The following EIF2AK4 variants were observed in gnomAD, a reference collection of about 807,000 sequenced individuals.
The protein encoded by EIF2AK4 is eIF-2-alpha kinase GCN2.
In EIF2AK4, 139 loss-of-function variants were observed where a neutral mutation model predicts 211.1. The observed-to-expected ratio is 0.66, with a 90% CI of 0.57 to 0.76. The LOEUF (loss-of-function observed/expected upper bound fraction) is 0.76. EIF2AK4 is among the 30% of genes least tolerant of loss of function. The pLI is 0.00. For synonymous variants in EIF2AK4, 710 were observed against 751.3 expected (o/e 0.94, Z 0.90); for missense variants, 1,664 against 2,043.8 (o/e 0.81, Z 3.58).
rs201155197 is a variant in EIF2AK4, at chr15:39,955,658, T to C, written c.633T>C (p.His211=). 1.9e-6 allele frequency: 3 copies of C among 1,611,000 alleles called. No homozygotes were observed. Among genetic ancestry groups the C allele is most frequent in the African/African-American group, 1.3e-5 (1 of 74,888 alleles). ...LEIASLSNQD[H]TSKKDPGGHR... is the part of the protein sequence containing the mutation. ...TTGCTAGTTTGTCAAACCAAGATCA[T>C]ACCTCTAAGAAGGACCCAGGAGGAC... The change falls in exon 6 of 39, where the codon CAT becomes CAC. Residue 211 remains histidine, a synonymous_variant. Coordinates refer to ENST00000263791, the MANE Select transcript of EIF2AK4 (RefSeq NM_001013703.4).
At position 39,934,237 on chromosome 15, in the gene EIF2AK4, G is replaced by A. The variant is rs999615332; in HGVS notation, c.42G>A (p.Glu14=). 3 of 1,605,098 alleles carry A rather than the reference G, an allele frequency of 1.9e-6. No homozygotes were observed. The highest frequency in any genetic ancestry group is 2.6e-6 in the Non-Finnish European group (3 of 1,176,438). ...GGGCCCCCGGGCGCGGCCGGGACGA[G>A]CCTCCGGAGAGCTACCCGCAACGAC... ...GRGAPGRGRD[E]PPESYPQRQD... Residue 14 remains glutamate, a synonymous_variant, in exon 1 of 39, where the codon GAG becomes GAA. Transcript: ENST00000263791.
At chr15:39,985,719 G>T in intron 13 of EIF2AK4, 86 bp from the exon 14 acceptor site, 1 of 1,264,594 alleles carries the variant, frequency 7.9e-7, no homozygotes, top group Non-Finnish European at 1.1e-6. Context: ...CCTGTGTTGG[G>T]GGTGGGCACA....
chr15:39,966,953 A>G (rs1245664341), intron 8 of EIF2AK4, among the ~76,000 whole-genome samples: 1 of 152,220 alleles, frequency 6.6e-6, no homozygotes, highest in African/African-American at 2.4e-5. Flanking sequence ...TAAAAACCCA[A>G]ATACAAAGCT....
At chr15:39,965,261 C>A (rs1050640128) in intron 7 of EIF2AK4, among the ~76,000 whole-genome samples, 1 of 152,062 alleles carries the variant, frequency 6.6e-6, no homozygotes, top group South Asian at 2.1e-4. Context: ...AGCTGAGACT[C>A]CAAGTGCCCG....
Position 40,001,206 on chromosome 15 carries a change from T to G in EIF2AK4, c.3141T>G (p.Tyr1047Ter). Residue 1047 changes from tyrosine (Y) to a stop codon, truncating the protein, a stop_gained, in exon 21 of 39, where the codon TAT becomes TAG. Transcript: ENST00000263791. LOFTEE classifies it high-confidence loss of function. The stretch of plus-strand genomic sequence containing the variant: ...TCTCCCCTGCCATCGATTACACCTA[T>G]GACAGCGACATACTGAAGGTGGGCT... ...QRISPAIDYT[Y>*]DSDILKGNFS... is the part of the protein sequence containing the mutation. 1 of 1,613,430 alleles carries G rather than the reference T, an allele frequency of 6.2e-7. No homozygotes were observed. Among genetic ancestry groups the G allele is most frequent in the Non-Finnish European group, 8.5e-7 (1 of 1,179,938 alleles).
At chr15:40,018,896 G>A (rs1033986404) in intron 29 of EIF2AK4, among the ~76,000 whole-genome samples, 197 bp from the exon 30 acceptor site, 12 of 152,190 alleles carry the variant, frequency 7.9e-5, no homozygotes, top group African/African-American at 2.7e-4. Flanking sequence ...TGCAGAGTTA[G>A]ATGAAACATT....
At position 39,961,912 on chromosome 15, in the gene EIF2AK4, GC is replaced by G; in HGVS notation, c.859+14del. 6.3e-7 allele frequency: 1 copy of G among 1,589,222 alleles called. No homozygotes were observed. The highest frequency in any genetic ancestry group is 8.6e-7 in the Non-Finnish European group (1 of 1,158,822). ...GGGAAATGTATTGGTGAGTAAACTA[GC>G]AAAATCTATTCATATTATTGTAATG... On this transcript the variant is annotated intron_variant, in intron 7 of 38. Coordinates refer to ENST00000263791, the MANE Select transcript of EIF2AK4 (RefSeq NM_001013703.4).
chr15:39,970,202 C>A (rs1192121042), intron 9 of EIF2AK4, among the ~76,000 whole-genome samples: 1 of 152,118 alleles, frequency 6.6e-6, no homozygotes, highest in East Asian at 1.9e-4. Context: ...CAAAGCTGAA[C>A]CTTTTCTATA....
At chr15:39,934,948 G>A (rs1289806110) in intron 1 of EIF2AK4, among the ~76,000 whole-genome samples, 1 of 152,112 alleles carries the variant, frequency 6.6e-6, no homozygotes, top group Non-Finnish European at 1.5e-5. Context: ...TAGAGAGAGG[G>A]TTCTAGACTG....
At chr15:39,968,039 T>G (rs1034549092) in intron 9 of EIF2AK4, among the ~76,000 whole-genome samples, 160 bp downstream of exon 9, 1 of 152,240 alleles carries the variant, frequency 6.6e-6, no homozygotes, top group African/African-American at 2.4e-5. Context: ...TGTTCTGTTT[T>G]CTCATGTAGG....
intron 9 of EIF2AK4, among the ~76,000 whole-genome samples, chr15:39,968,851 TG>T (rs1432804493): frequency 2.0e-5 from 3 of 149,662 alleles, no homozygotes; most frequent in African/African-American, 7.4e-5. Flanking sequence ...TGTTTGAGAT[TG>T]TTTTTGTGTA....
rs1254813438 is a variant in EIF2AK4, at chr15:39,975,906, T to C, written c.1819-508T>C. 2.0e-5 allele frequency among the ~76,000 whole-genome samples: 3 copies of C among 152,260 alleles called. No homozygotes were observed. In the East Asian group the frequency reaches 5.8e-4, roughly 29 times the overall value. ...TAAGAAAATTGAGTCTCAAGGAAATTAAGTAATTTTCCCAAGTTCACACGG... is the reference window on the plus strand; with the variant it reads ...TAAGAAAATTGAGTCTCAAGGAAATCAAGTAATTTTCCCAAGTTCACACGG... On this transcript the variant is annotated intron_variant, in intron 11 of 38. Transcript: ENST00000263791.
At chr15:39,940,288 C>T (rs2034126995) in intron 2 of EIF2AK4, among the ~76,000 whole-genome samples, 2 of 152,222 alleles carry the variant, frequency 1.3e-5, no homozygotes, top group African/African-American at 4.8e-5. Flanking sequence ...TTAAGCATGT[C>T]TATTTGGTGT....
chr15:40,000,958 C>T, intron 20 of EIF2AK4, 30 bp from the exon 21 acceptor site: 1 of 1,606,286 alleles, frequency 6.2e-7, no homozygotes, highest in Non-Finnish European at 8.5e-7. Context: ...CATTGCATCC[C>T]ATTAGCAGTG....
chr15:40,017,055 C>T (rs2035312513), intron 28 of EIF2AK4, 53 bp from the exon 29 acceptor site: 1 of 1,589,574 alleles, frequency 6.3e-7, no homozygotes, highest in South Asian at 1.1e-5. Flanking sequence ...CATTATATTC[C>T]ACATTCTAAA....
At chr15:39,944,880 CAT>C (rs1370886208) in intron 3 of EIF2AK4, among the ~76,000 whole-genome samples, 2 of 152,184 alleles carry the variant, frequency 1.3e-5, no homozygotes, top group African/African-American at 4.8e-5. Flanking sequence ...CACAATGAGT[CAT>C]AGTACAGTCC....
intron 10 of EIF2AK4, 30 bp from the exon 11 acceptor site, chr15:39,973,562 A>C (rs761001467): frequency 6.9e-6 from 11 of 1,588,434 alleles, no homozygotes; most frequent in Non-Finnish European, 9.4e-6. Context: ...CCAATGCCTC[A>C]TGTGCCTCTT....
chr15:39,958,298 T>C (rs1292763058), intron 6 of EIF2AK4, among the ~76,000 whole-genome samples: 1 of 152,202 alleles, frequency 6.6e-6, no homozygotes. Context: ...TATTCAGACT[T>C]GCTGTCTTTG....
intron 7 of EIF2AK4, among the ~76,000 whole-genome samples, chr15:39,964,738 TTTTTGGTG>T: frequency 6.6e-6 from 1 of 152,312 alleles, no homozygotes; most frequent in Admixed American, 6.5e-5. Context: ...TATAAGAAAA[TTTTTGGTG>T]TTACAGAAAT....
Sources: gnomAD v4.1 joint callset for allele counts (sites outside exome capture counted in the v4.1 genomes callset) on GRCh38, gnomAD v4.1.1 for gene constraint, MANE v1.5 for transcripts, NCBI Gene and HGNC (gene_info 2026-07-23, HGNC 2026-07-21) for gene names.